CHMP4B: variants seen among roughly 807,000 people sequenced by gnomAD.
CHMP4B encodes the protein SNF7 homolog associated with Alix 1.
A neutral mutation model predicts 25.1 loss-of-function variants in CHMP4B; 1 was observed. The ratio of observed to expected loss-of-function variants is 0.04; its 90% CI spans 0.01 to 0.19. The LOEUF (loss-of-function observed/expected upper bound fraction) is 0.19, where lower values mean the gene tolerates loss of function less well. Ranked by LOEUF, CHMP4B falls within the 10% of genes least tolerant of loss-of-function variation. The pLI, the probability that CHMP4B is intolerant of heterozygous loss-of-function variation, is 1.00. For synonymous variants in CHMP4B, 101 were observed against 115.6 expected (o/e 0.87, Z 0.81); for missense variants, 151 against 289.7 (o/e 0.52, Z 3.48).
chr20:33,833,037 C>T (rs1979299593), intron 1 of CHMP4B, among the ~76,000 whole-genome samples: 1 of 152,036 alleles, frequency 6.6e-6, no homozygotes, highest in South Asian at 2.1e-4. Flanking sequence ...GAACCTCCTG[C>T]TTTGGCCTCC....
chr20:33,853,301 CTG>C (rs766564885), intron 4 of CHMP4B, among the ~76,000 whole-genome samples, 193 bp from the exon 5 acceptor site: 2 of 152,140 alleles, frequency 1.3e-5, no homozygotes, highest in Non-Finnish European at 2.9e-5. Flanking sequence ...TGCTGCCAAA[CTG>C]TGCTTGGTTT....
At position 33,852,059 on chromosome 20, in the gene CHMP4B, T is replaced by C; in HGVS notation, c.484-18T>C. 1 of 1,613,690 alleles carries C rather than the reference T, an allele frequency of 6.2e-7. No individual in the cohort carries two copies. Among genetic ancestry groups the C allele is most frequent in the Non-Finnish European group, 8.5e-7 (1 of 1,180,018 alleles). On this transcript the variant is annotated intron_variant, in intron 3 of 4. Coordinates refer to ENST00000217402, the MANE Select transcript of CHMP4B (RefSeq NM_176812.5). ...GGATTCCCAGGGAGGGCGCTCACTT[T>C]GTGTTTCCTTTTACTAGGATGAGCT... is the stretch of plus-strand genomic sequence containing the variant.
intron 1 of CHMP4B, among the ~76,000 whole-genome samples, chr20:33,821,114 C>T (rs369840659): frequency 3.3e-5 from 5 of 152,088 alleles, no homozygotes; most frequent in East Asian, 1.9e-4. Flanking sequence ...TGGCCGGGTG[C>T]GGTGGCTCAC....
intron 1 of CHMP4B, 38 bp from the exon 2 acceptor site, chr20:33,848,429 C>A: frequency 6.2e-7 from 1 of 1,609,312 alleles, no homozygotes; most frequent in South Asian, 1.1e-5. Flanking sequence ...TCACCCTGTG[C>A]CGGGACTCTC....
rs1311346914 is a variant in CHMP4B at position 33,842,499 on chromosome 20, G to C, written c.191-5968G>C. On this transcript the variant is annotated intron_variant, in intron 1 of 4. Coordinates refer to ENST00000217402, the MANE Select transcript of CHMP4B (RefSeq NM_176812.5). ...GAATGAGCCAGGAGGAGCTATCTGA[G>C]TGATTGCTGGAGGCAGGCAAAGTGG... Among the ~76,000 whole-genome samples, 3 of 152,220 alleles carry C rather than the reference G, an allele frequency of 2.0e-5. No homozygotes were observed. In the East Asian group the frequency reaches 5.8e-4, roughly 29 times the overall value.
At chr20:33,842,429 CT>C (rs1425191704) in intron 1 of CHMP4B, among the ~76,000 whole-genome samples, 2 of 152,180 alleles carry the variant, frequency 1.3e-5, no homozygotes, top group Non-Finnish European at 2.9e-5. Flanking sequence ...AGGCATAGTT[CT>C]CCTGGCTAAG....
chr20:33,823,526 C>G (rs1979003448), intron 1 of CHMP4B, among the ~76,000 whole-genome samples: 2 of 152,026 alleles, frequency 1.3e-5, no homozygotes, highest in African/African-American at 4.8e-5. Context: ...CATGTACCAC[C>G]AAACTTGGCT....
intron 2 of CHMP4B, among the ~76,000 whole-genome samples, 187 bp from the exon 3 acceptor site, chr20:33,850,765 G>A (rs1287760296): frequency 6.6e-6 from 1 of 152,230 alleles, no homozygotes; most frequent in African/African-American, 2.4e-5. Context: ...GTCCCCTTGA[G>A]TCTATGATTC....
chr20:33,846,972 A>G (rs1430359035), intron 1 of CHMP4B, among the ~76,000 whole-genome samples: 2 of 152,218 alleles, frequency 1.3e-5, no homozygotes, highest in African/African-American at 2.4e-5. Flanking sequence ...GAATTGATAT[A>G]AGACAGATTA....
intron 1 of CHMP4B, among the ~76,000 whole-genome samples, chr20:33,823,137 AT>A (rs34248240): frequency 1.3e-3 from 195 of 148,536 alleles, no homozygotes; most frequent in African/African-American, 4.2e-3. Flanking sequence ...TCAAAGAAAA[AT>A]TTTTTTTTTT....
intron 1 of CHMP4B, among the ~76,000 whole-genome samples, chr20:33,818,428 C>G (rs531196532): frequency 6.6e-6 from 1 of 152,358 alleles, no homozygotes; most frequent in Admixed American, 6.5e-5. Flanking sequence ...AAGTGATTAA[C>G]CTCTGATTGA....
chr20:33,837,255 A>T (rs1979416981), intron 1 of CHMP4B, among the ~76,000 whole-genome samples: 1 of 151,940 alleles, frequency 6.6e-6, no homozygotes, highest in South Asian at 2.1e-4. Flanking sequence ...GGAGGCTGAG[A>T]TGGGAGGATC....
chr20:33,848,225 C>T (rs972610838), intron 1 of CHMP4B, among the ~76,000 whole-genome samples: 7 of 152,056 alleles, frequency 4.6e-5, no homozygotes, highest in Non-Finnish European at 1.0e-4. Flanking sequence ...TGTGTGTGTG[C>T]GTGGTTACCC....
chr20:33,817,305 C>G (rs560780456), intron 1 of CHMP4B, among the ~76,000 whole-genome samples: 1 of 152,346 alleles, frequency 6.6e-6, no homozygotes, highest in East Asian at 1.9e-4. Flanking sequence ...TGTTGGCTAT[C>G]CAAACACACT....
intron 1 of CHMP4B, among the ~76,000 whole-genome samples, chr20:33,838,832 G>C (rs1979458203): frequency 6.6e-6 from 1 of 152,120 alleles, no homozygotes; most frequent in Admixed American, 6.5e-5. Flanking sequence ...TCTAGGAAGT[G>C]AAACCCCTTC....
chr20:33,850,375 G>A (rs1199968854), intron 2 of CHMP4B, among the ~76,000 whole-genome samples: 1 of 152,214 alleles, frequency 6.6e-6, no homozygotes, highest in Non-Finnish European at 1.5e-5. Context: ...TGGAAACCTA[G>A]CAGAGTGCAG....
At chr20:33,833,617 A>G (rs1481341674) in intron 1 of CHMP4B, among the ~76,000 whole-genome samples, 1 of 152,168 alleles carries the variant, frequency 6.6e-6, no homozygotes, top group East Asian at 1.9e-4. Flanking sequence ...AGATTCCAGC[A>G]GCTCCTTAAC....
chr20:33,831,063 C>T (rs1979234469), intron 1 of CHMP4B, among the ~76,000 whole-genome samples: 1 of 150,832 alleles, frequency 6.6e-6, no homozygotes, highest in African/African-American at 2.4e-5. Context: ...ACCTCAGCCT[C>T]CCAGGTAGCT....
intron 1 of CHMP4B, among the ~76,000 whole-genome samples, chr20:33,820,601 T>A (rs2122784927): frequency 6.6e-6 from 1 of 152,108 alleles, no homozygotes; most frequent in East Asian, 1.9e-4. Context: ...CAGGGTACAG[T>A]GTGATTTGTT....
Sources: allele counts gnomAD v4.1 joint callset (sites outside exome capture counted in the v4.1 genomes callset), GRCh38; gene constraint gnomAD v4.1.1; transcripts MANE v1.5; gene names NCBI Gene and HGNC (gene_info 2026-07-23, HGNC 2026-07-21).